Variants in ATP2B2 observed in about 807,000 individuals in gnomAD.
ATP2B2 encodes the protein ATPase plasma membrane Ca2+ transporting 2.
ATP2B2 carries 15 observed loss-of-function variants against 120.0 expected under a neutral mutation model. The observed-to-expected ratio is 0.12, with a 90% CI of 0.08 to 0.19. The LOEUF is 0.19. Ranked by LOEUF, ATP2B2 falls within the 10% of genes least tolerant of loss-of-function variation. ATP2B2 has a pLI of 1.00. For missense variants in ATP2B2, 1,045 were observed against 1,719.8 expected (o/e 0.61, Z 6.94); for synonymous variants, 694 against 700.3 (o/e 0.99, Z 0.14).
At chr3:10,439,949 A>C (rs1428960088) in intron 2 of ATP2B2, among the ~76,000 whole-genome samples, 1 of 151,952 alleles carries the variant, frequency 6.6e-6, no homozygotes, top group Non-Finnish European at 1.5e-5. Context: ...CTACAAAAAA[A>C]AAAATTACCT....
intron 2 of ATP2B2, among the ~76,000 whole-genome samples, chr3:10,587,260 A>T (rs938271334): frequency 1.3e-5 from 2 of 151,704 alleles, no homozygotes; most frequent in Non-Finnish European, 2.9e-5. Context: ...AGCCGTGATC[A>T]TACCCCTGCA....
Position 10,378,236 on chromosome 3 carries a change from C to T in ATP2B2, c.1201+16G>A, listed in dbSNP as rs2061433068. ...CCTGTGAGCCCTGTCCCCTGCCTCC[C>T]ACCTGCTGCACTCACCCGCCTTCCC... On this transcript the variant is annotated intron_variant, in intron 10 of 22. Coordinates refer to ENST00000360273, the MANE Select transcript of ATP2B2 (RefSeq NM_001001331.4). 1 of 1,603,304 alleles carries T rather than the reference C, an allele frequency of 6.2e-7. No individual in the cohort carries two copies. Among genetic ancestry groups the T allele is most frequent in the Non-Finnish European group, 8.5e-7 (1 of 1,179,610 alleles).
rs191708502 is a variant in ATP2B2, at chr3:10,575,579, C to A, written c.-414-41446G>T. Among the ~76,000 whole-genome samples the A allele has an allele frequency of 7.9e-5, 12 of 152,302 alleles. No homozygotes were observed. In the East Asian group the frequency reaches 2.1e-3, roughly 27 times the overall value. ...ACACTTATGGGAGCTATGGAAGGCT[C>A]TTGAGCAGGGGCAGTGATAGGTGGA... On this transcript the variant is annotated intron_variant, in intron 2 of 21. Transcript: ENST00000646379.
intron 1 of ATP2B2, among the ~76,000 whole-genome samples, chr3:10,669,550 G>A (rs1225646920): frequency 6.6e-6 from 1 of 152,110 alleles, no homozygotes; most frequent in Non-Finnish European, 1.5e-5. Flanking sequence ...ACAAATACAG[G>A]AGCTGGGCCC....
At chr3:10,617,789 C>G (rs2069435751) in intron 2 of ATP2B2, among the ~76,000 whole-genome samples, 1 of 152,232 alleles carries the variant, frequency 6.6e-6, no homozygotes, top group Non-Finnish European at 1.5e-5. Context: ...ATCTTGCCAG[C>G]AACATGAGTG....
intron 2 of ATP2B2, among the ~76,000 whole-genome samples, chr3:10,568,504 A>G (rs766854390): frequency 1.3e-5 from 2 of 152,204 alleles, no homozygotes; most frequent in Non-Finnish European, 2.9e-5. Context: ...TGAAACAGAC[A>G]GGTTCAGGAG....
intron 2 of ATP2B2, among the ~76,000 whole-genome samples, chr3:10,557,051 C>T (rs951579954): frequency 3.3e-5 from 5 of 152,180 alleles, no homozygotes; most frequent in Non-Finnish European, 5.9e-5. Flanking sequence ...CCCAGACTGT[C>T]CTGCCATGAG....
chr3:10,348,673 G>A (rs190628857), intron 16 of ATP2B2, among the ~76,000 whole-genome samples: 1 of 152,324 alleles, frequency 6.6e-6, no homozygotes, highest in East Asian at 1.9e-4. Context: ...CACCTTCCAT[G>A]GCCTGTGACC....
chr3:10,389,342 C>A (rs991571243), intron 5 of ATP2B2, among the ~76,000 whole-genome samples: 13 of 152,190 alleles, frequency 8.5e-5, no homozygotes, highest in Non-Finnish European at 1.6e-4. Flanking sequence ...CAACAGCAAG[C>A]AAGGGCTTCA....
chr3:10,498,303 A>G (rs1013643236), intron 1 of ATP2B2, among the ~76,000 whole-genome samples: 3 of 152,230 alleles, frequency 2.0e-5, no homozygotes, highest in African/African-American at 7.2e-5. Flanking sequence ...TGTTGTCCTC[A>G]ACTACTGCGC....
chr3:10,688,641 G>A (rs536552943), intron 1 of ATP2B2, among the ~76,000 whole-genome samples: 16 of 152,276 alleles, frequency 1.1e-4, no homozygotes, highest in Non-Finnish European at 2.1e-4. Context: ...ACGTTAAGGT[G>A]AGCAGCCCTC....
chr3:10,472,702 G>A (rs2125290216), intron 1 of ATP2B2, among the ~76,000 whole-genome samples: 1 of 152,290 alleles, frequency 6.6e-6, no homozygotes, highest in East Asian at 1.9e-4. Context: ...CTGTACAGTG[G>A]ATCCTGGGGA....
At chr3:10,661,071 T>A (rs1482480224) in intron 1 of ATP2B2, among the ~76,000 whole-genome samples, 1 of 152,156 alleles carries the variant, frequency 6.6e-6, no homozygotes, top group Non-Finnish European at 1.5e-5. Context: ...AAACTCTCAA[T>A]AAAGTAGGTA....
chr3:10,530,475 A>G (rs1328278002), intron 3 of ATP2B2, among the ~76,000 whole-genome samples: 1 of 152,182 alleles, frequency 6.6e-6, no homozygotes, highest in Admixed American at 6.5e-5. Context: ...GCCTAGTGCG[A>G]CAGCTCCCTG....
chr3:10,554,512 G>A (rs1264005328), intron 2 of ATP2B2, among the ~76,000 whole-genome samples: 2 of 152,188 alleles, frequency 1.3e-5, no homozygotes, highest in Admixed American at 1.3e-4. Context: ...TTCAGTGTCT[G>A]TGAATCAAGG....
intron 21 of ATP2B2, chr3:10,339,061 C>T (rs2060205748): frequency 6.5e-6 from 1 of 153,018 alleles, no homozygotes; most frequent in African/African-American, 2.4e-5. Flanking sequence ...CCTGTAGGAG[C>T]AGTCAGGCGC....
At chr3:10,530,685 C>A (rs1209467131) in intron 3 of ATP2B2, among the ~76,000 whole-genome samples, 1 of 152,178 alleles carries the variant, frequency 6.6e-6, no homozygotes, top group African/African-American at 2.4e-5. Context: ...ATCCTCAAGT[C>A]CTTTTAAAGC....
At chr3:10,546,363 G>C (rs1415051804) in intron 2 of ATP2B2, among the ~76,000 whole-genome samples, 1 of 152,206 alleles carries the variant, frequency 6.6e-6, no homozygotes, top group Non-Finnish European at 1.5e-5. Context: ...AATGATGCCT[G>C]TGTGTCCCCC....
chr3:10,383,830 C>T lies in ATP2B2; in HGVS notation c.1000+1438G>A, dbSNP rs79786351. The stretch of plus-strand genomic sequence containing the variant: ...TTGGGATATTTGGGGTTTTCTGCTG[C>T]AGTCTGGAAGTAAAGCTGCCCTTTT... On this transcript the variant is annotated intron_variant, in intron 8 of 22. Transcript: ENST00000360273. Among the ~76,000 whole-genome samples the T allele has an allele frequency of 2.4e-3, 366 of 152,334 alleles. 5 individuals carry two copies. Among genetic ancestry groups the T allele is most frequent in the East Asian group, 0.014 (72 of 5,192 alleles).
Sources: allele counts gnomAD v4.1 joint callset (sites outside exome capture counted in the v4.1 genomes callset), GRCh38; gene constraint gnomAD v4.1.1; transcripts MANE v1.5; gene names NCBI Gene and HGNC (gene_info 2026-07-23, HGNC 2026-07-21).